The following C4orf36 variants were observed in gnomAD, a reference collection of about 807,000 sequenced individuals.
The protein encoded by C4orf36 is chromosome 4 open reading frame 36.
C4orf36 carries 11 observed loss-of-function variants against 12.2 expected under a neutral mutation model. The observed-to-expected ratio is 0.90, with a 90% CI of 0.57 to 1.49. The LOEUF (loss-of-function observed/expected upper bound fraction) is 1.49, where lower values mean the gene tolerates loss of function less well. Among genes scored for constraint, C4orf36 ranks in the 40% most tolerant of loss-of-function variants. The pLI is 0.00. For missense variants in C4orf36, 137 were observed against 133.9 expected (o/e 1.02, Z -0.11); for synonymous variants, 54 against 51.3 (o/e 1.05, Z -0.22).
intron 4 of C4orf36, among the ~76,000 whole-genome samples, chr4:86,878,598 C>T (rs774880139): frequency 6.6e-6 from 1 of 152,222 alleles, no homozygotes; most frequent in Admixed American, 6.5e-5. Context: ...CTAGCCATTC[C>T]TTCTCCCGTG....
chr4:86,916,687 T>C, the C4orf36 span, among the ~76,000 whole-genome samples: 1 of 152,214 alleles, frequency 6.6e-6, no homozygotes, highest in East Asian at 1.9e-4. Context: ...ATATTCTGGG[T>C]ATAAATGCCT....
chr4:86,910,655 G>A, the C4orf36 span, among the ~76,000 whole-genome samples: 1 of 152,134 alleles, frequency 6.6e-6, no homozygotes, highest in Non-Finnish European at 1.5e-5. Flanking sequence ...AGGATTTGAG[G>A]AGTCAGTGTG....
rs556996091 is a variant in C4orf36, at chr4:86,892,419, G to C, written c.-310C>G. On this transcript the variant is annotated 5_prime_UTR_variant, in exon 1 of 5. Transcript: ENST00000295898. ...CCTTCCCGCTCGCCGCGGGCGCCGA[G>C]TCTGGGGCTCCTCGCGTCACACGGG... 2.9e-4 allele frequency: 288 copies of C among 985,464 alleles called. 4 individuals are homozygous for C. The South Asian group carries it at 0.012, about 42-fold the overall frequency. 61.0% of individuals were successfully genotyped at this position (985,464 alleles called of 1,614,324 possible). A position where few individuals can be genotyped will look rare whatever the true frequency, so the allele number is the denominator to read the frequency against.
chr4:86,892,566 G>A (rs1252406999), upstream of C4orf36: 2 of 640,864 alleles, frequency 3.1e-6, no homozygotes, highest in African/African-American at 3.9e-5. Context: ...CGCGCTCTCG[G>A]AATCCAGCCA....
At chr4:86,882,195 T>C (rs2149420074) in intron 4 of C4orf36, among the ~76,000 whole-genome samples, 1 of 152,338 alleles carries the variant, frequency 6.6e-6, no homozygotes, top group Non-Finnish European at 1.5e-5. Flanking sequence ...TAAGAGAATC[T>C]TAAAGCTGGA....
chr4:86,928,751 T>G, the C4orf36 span, among the ~76,000 whole-genome samples: 1 of 152,328 alleles, frequency 6.6e-6, no homozygotes, highest in South Asian at 2.1e-4. Context: ...ATTGATGTCT[T>G]TTTAGTTTCT....
the C4orf36 span, among the ~76,000 whole-genome samples, chr4:86,917,594 A>G: frequency 6.7e-6 from 1 of 149,238 alleles, no homozygotes; most frequent in Non-Finnish European, 1.5e-5. Context: ...AGGGAAGGGA[A>G]AGAAGGAGGG....
At chr4:86,877,082 T>C (rs1746944064) in intron 4 of C4orf36, among the ~76,000 whole-genome samples, 1 of 152,192 alleles carries the variant, frequency 6.6e-6, no homozygotes, top group African/African-American at 2.4e-5. Context: ...CAGTGGGATG[T>C]GGACTACAAA....
the C4orf36 span, among the ~76,000 whole-genome samples, chr4:86,903,073 T>A: frequency 6.6e-6 from 1 of 152,258 alleles, no homozygotes; most frequent in Non-Finnish European, 1.5e-5. Flanking sequence ...AATTGCCTTC[T>A]CATTATTTGT....
the C4orf36 span, among the ~76,000 whole-genome samples, chr4:86,917,366 T>TGGAA: frequency 6.0e-5 from 6 of 99,354 alleles, no homozygotes; most frequent in Admixed American, 1.3e-4. Flanking sequence ...AAGGAAAGGA[T>TGGAA]GGAAGGAAGG....
At chr4:86,884,542 C>T (rs974309975) in intron 4 of C4orf36, among the ~76,000 whole-genome samples, 8 of 152,066 alleles carry the variant, frequency 5.3e-5, no homozygotes, top group East Asian at 1.9e-4. Context: ...TGGGCCCAAG[C>T]GAGTCTCCCA....
rs1747447775 is a variant in C4orf36 at position 86,892,205 on chromosome 4, C to G, written c.-96G>C. On this transcript the variant is annotated 5_prime_UTR_variant, in exon 1 of 5. Transcript: ENST00000295898. ...CACCTGGGCCCCACCCTGCCTCCGACTCGCCAGGAATGCGCTGTGTGCGCG... is the reference window on the plus strand; with the variant it reads ...CACCTGGGCCCCACCCTGCCTCCGAGTCGCCAGGAATGCGCTGTGTGCGCG... 2 of 985,480 alleles carry G rather than the reference C, an allele frequency of 2.0e-6. No individual in the cohort carries two copies. The highest frequency in any genetic ancestry group is 4.7e-5 in the South Asian group (1 of 21,298). 61.0% of individuals were successfully genotyped at this position (985,480 alleles called of 1,614,324 possible). A position where few individuals can be genotyped will look rare whatever the true frequency, so the allele number is the denominator to read the frequency against.
chr4:86,911,699 T>C, the C4orf36 span, among the ~76,000 whole-genome samples: 241 of 152,294 alleles, frequency 1.6e-3, 1 homozygote, highest in Non-Finnish European at 2.6e-3. Context: ...CTCTCTTTTC[T>C]TTTTTAGAGA....
At chr4:86,927,926 AG>A in the C4orf36 span, among the ~76,000 whole-genome samples, 2 of 152,178 alleles carry the variant, frequency 1.3e-5, no homozygotes, top group African/African-American at 4.8e-5. Context: ...CTGAGAGTGG[AG>A]GTTGCTGTAA....
chr4:86,877,820 C>T (rs1273559204), intron 4 of C4orf36, among the ~76,000 whole-genome samples: 1 of 152,132 alleles, frequency 6.6e-6, no homozygotes, highest in Non-Finnish European at 1.5e-5. Context: ...TTTGATTGTT[C>T]CGCACCTTTA....
At chr4:86,930,574 A>G in the C4orf36 span, among the ~76,000 whole-genome samples, 2 of 152,336 alleles carry the variant, frequency 1.3e-5, no homozygotes, top group East Asian at 3.9e-4. Context: ...AAATCCCTAC[A>G]TTTGTTTTGG....
the C4orf36 span, among the ~76,000 whole-genome samples, chr4:86,915,142 G>A: frequency 2.0e-5 from 3 of 152,008 alleles, no homozygotes; most frequent in East Asian, 1.9e-4. Context: ...CCGTAGGCTC[G>A]TGGGTGAAAG....
chr4:86,905,972 T>G, the C4orf36 span, among the ~76,000 whole-genome samples: 2 of 152,104 alleles, frequency 1.3e-5, no homozygotes, highest in East Asian at 1.9e-4. Context: ...CCACCTACCT[T>G]GGCTTCCCAA....
chr4:86,919,098 G>A, the C4orf36 span, among the ~76,000 whole-genome samples: 2 of 149,094 alleles, frequency 1.3e-5, no homozygotes, highest in East Asian at 3.9e-4. Flanking sequence ...AGGACAGGAG[G>A]AGGAGAGTAT....
Sources: gnomAD v4.1 joint callset for allele counts (sites outside exome capture counted in the v4.1 genomes callset) on GRCh38, gnomAD v4.1.1 for gene constraint, MANE v1.5 for transcripts, NCBI Gene and HGNC (gene_info 2026-07-23, HGNC 2026-07-21) for gene names.